YME1L1: variants seen among roughly 807,000 people sequenced by gnomAD.
YME1L1 encodes the protein YME1 like 1 ATPase.
A neutral mutation model predicts 90.4 loss-of-function variants in YME1L1; 39 were observed. The ratio of observed to expected loss-of-function variants is 0.43; its 90% CI spans 0.33 to 0.56. The LOEUF (loss-of-function observed/expected upper bound fraction) is 0.56, where lower values mean the gene tolerates loss of function less well. Ranked by LOEUF, YME1L1 falls within the 20% of genes least tolerant of loss-of-function variation. The probability of loss-of-function intolerance (pLI) is 0.03; values close to 1 mark genes in which losing one functional copy is unlikely to be tolerated. For synonymous variants in YME1L1, 284 were observed against 287.3 expected, an observed-to-expected ratio of 0.99 and a Z score of 0.12; for missense variants, 617 against 868.4, an observed-to-expected ratio of 0.71 and a Z score of 3.64.
chr10:27,121,748 A>ATT lies in YME1L1; in HGVS notation c.1236-302_1236-301dup, dbSNP rs10585648. Among the ~76,000 whole-genome samples the ATT allele has an allele frequency of 3.5e-3, 487 of 138,602 alleles. 6 individuals carry two copies. Among genetic ancestry groups the ATT allele is most frequent in the African/African-American group, 0.011 (437 of 38,142 alleles). The allele number at this position is 138,602 out of a possible 152,430, so 90.9% of individuals were successfully genotyped here. On this transcript the variant is annotated intron_variant, in intron 11 of 18. Transcript: ENST00000376016. ...CCCCAATTTCTAGGTACAAGCCACT[A>ATT]TTTTTTTTTTTTTTTGGAGATGGAG...
Position 27,153,036 on chromosome 10 carries a change from T to C in YME1L1, c.33+1142A>G, listed in dbSNP as rs758487734. On this transcript the variant is annotated intron_variant, in intron 1 of 18. Transcript: ENST00000376016. ...TCCAACCTCTTCTGTCACTACCCCCTTTAACTACTATGTTCTAGCCACACT... is the reference window on the plus strand; with the variant it reads ...TCCAACCTCTTCTGTCACTACCCCCCTTAACTACTATGTTCTAGCCACACT... Among the ~76,000 whole-genome samples, 55 of 152,326 alleles carry C rather than the reference T, an allele frequency of 3.6e-4. 1 individual carries two copies. The highest frequency in any genetic ancestry group is 6.8e-3 in the Middle Eastern group (2 of 294).
intron 10 of YME1L1, 111 bp from the exon 11 acceptor site, chr10:27,123,084 C>A (rs2056882802): frequency 6.0e-6 from 8 of 1,339,924 alleles, no homozygotes; most frequent in East Asian, 2.4e-5. Flanking sequence ...AAAAAATATT[C>A]ACTGAAAGAA....
At chr10:27,132,927 T>C (rs2056991658) in intron 7 of YME1L1, among the ~76,000 whole-genome samples, 1 of 152,246 alleles carries the variant, frequency 6.6e-6, no homozygotes, top group Non-Finnish European at 1.5e-5. Flanking sequence ...TAGTATCTAA[T>C]GATAGAAATC....
chr10:27,119,913 C>T (rs923000454), intron 13 of YME1L1, among the ~76,000 whole-genome samples: 1 of 151,768 alleles, frequency 6.6e-6, no homozygotes, highest in East Asian at 1.9e-4. Flanking sequence ...TGAATTTCAT[C>T]TGGAAATACT....
intron 9 of YME1L1, among the ~76,000 whole-genome samples, chr10:27,125,743 C>T (rs1354905444): frequency 1.3e-5 from 2 of 150,674 alleles, no homozygotes; most frequent in Non-Finnish European, 2.9e-5. Context: ...TAGGTTCAAA[C>T]GATTCTCCTG....
At chr10:27,131,124 C>A (rs2056973386) in intron 8 of YME1L1, among the ~76,000 whole-genome samples, 2 of 152,102 alleles carry the variant, frequency 1.3e-5, no homozygotes, top group South Asian at 2.1e-4. Context: ...CAAATGTCAC[C>A]TTCTCCATCA....
Position 27,117,528 on chromosome 10 carries a change from A to G in YME1L1, c.1719+48T>C, listed in dbSNP as rs748093387. The stretch of plus-strand genomic sequence containing the variant: ...GGTTGCAGTGAGCTGAGATCGCGCC[A>G]TTGCACTCCAGCCTGGGTGACAGGG... On this transcript the variant is annotated intron_variant, in intron 15 of 18. Coordinates refer to ENST00000376016, the MANE Select transcript of YME1L1 (RefSeq NM_014263.4). The G allele has an allele frequency of 3.1e-6, 5 of 1,595,246 alleles. No individual in the cohort carries two copies. In the South Asian group the frequency reaches 5.6e-5, roughly 18 times the overall value.
intron 13 of YME1L1, 66 bp downstream of exon 13, chr10:27,120,369 C>T: frequency 8.6e-7 from 1 of 1,166,738 alleles, no homozygotes; most frequent in Non-Finnish European, 1.2e-6. Context: ...CATGAAAGGA[C>T]CACAAACAGG....
intron 7 of YME1L1, among the ~76,000 whole-genome samples, chr10:27,132,356 C>G (rs1318775582): frequency 6.6e-6 from 1 of 151,976 alleles, no homozygotes; most frequent in African/African-American, 2.4e-5. Flanking sequence ...GCCTCAGCCT[C>G]CCAAAGTGCT....
In YME1L1 at chr10:27,149,016, T is replaced by A. The variant is rs371080055; in HGVS notation, c.58A>T (p.Ile20Phe). 1 of 1,612,264 alleles carries A rather than the reference T, an allele frequency of 6.2e-7. No homozygotes were observed. Among genetic ancestry groups the A allele is most frequent in the African/African-American group, 1.3e-5 (1 of 74,836 alleles). ...TTTTTTGGTGTATGGAAGGCATTGA[T>A]GAGATGACTCAGAGGAACTGTAACC... ...PQVTVPLSHL[I>F]NAFHTPKNTS... The change falls in exon 2 of 19, where the codon ATC becomes TTC. Residue 20 changes from isoleucine to phenylalanine, a missense_variant. This residue lies in a region of YME1L1 where 311 missense variants were observed against 335.8 expected (regional missense o/e 0.93). Transcript: ENST00000376016.
intron 16 of YME1L1, 29 bp downstream of exon 16, chr10:27,116,190 T>C (rs758829903): frequency 5.6e-6 from 9 of 1,613,946 alleles, no homozygotes; most frequent in Admixed American, 1.7e-5. Context: ...CACATATAAT[T>C]TGAACTAAAG....
rs2275751 is a variant in YME1L1, at chr10:27,134,997, A to G, written c.541-16T>C. On this transcript the variant is annotated splice_polypyrimidine_tract_variant and intron_variant, in intron 5 of 18. Transcript: ENST00000376016. ...AAAGAAACCCCTGAATACACAAACA[A>G]CACATCAGTACTGGTTAACAACACA... 5.8e-3 allele frequency: 9,262 copies of G among 1,607,702 alleles called. 329 individuals carry two copies. In the East Asian group the frequency reaches 0.11, roughly 18 times the overall value.
chr10:27,135,024 T>C, intron 5 of YME1L1, 43 bp from the exon 6 acceptor site: 1 of 1,558,522 alleles, frequency 6.4e-7, no homozygotes. Flanking sequence ...AACAACACAG[T>C]GATACTTCCC....
Position 27,149,031 on chromosome 10 carries a change from G to C in YME1L1, c.43C>G (p.Pro15Ala). The change falls in exon 2 of 19, where the codon CCT becomes GCT. Residue 15 changes from proline (P) to alanine (A), a missense_variant. Physicochemically the swap from Pro to Ala is conservative, Grantham distance 27. Transcript: ENST00000376016. ...SSTVQPQVTV[P>A]LSHLINAFHT... ...AAGGCATTGATGAGATGACTCAGAG[G>C]AACTGTAACCTAGAAAAAGATAAAA... The C allele has an allele frequency of 6.2e-7, 1 of 1,600,524 alleles. No individual in the cohort carries two copies.
chr10:27,133,210 A>T (rs1219696958), intron 7 of YME1L1, among the ~76,000 whole-genome samples: 1 of 152,210 alleles, frequency 6.6e-6, no homozygotes, highest in Non-Finnish European at 1.5e-5. Flanking sequence ...CCCTCAAATG[A>T]CCTATCAATT....
rs1344516131 is a variant in YME1L1, at chr10:27,113,843, A to C, written c.2007+678T>G. Among the ~76,000 whole-genome samples the C allele has an allele frequency of 2.0e-5, 3 of 151,298 alleles. No individual in the cohort carries two copies. In the East Asian group the frequency reaches 5.8e-4, roughly 29 times the overall value. On this transcript the variant is annotated intron_variant, in intron 18 of 18. Coordinates refer to ENST00000376016, the MANE Select transcript of YME1L1 (RefSeq NM_014263.4). ...ATCCCCTTAAAAAAAAAATGACAAA[A>C]CCCACAAAAAACCAACAATAAAACA...
chr10:27,124,353 A>G (rs755233700), intron 9 of YME1L1, among the ~76,000 whole-genome samples: 13 of 152,224 alleles, frequency 8.5e-5, no homozygotes, highest in Non-Finnish European at 1.6e-4. Context: ...TAGGATATGG[A>G]TGTTAATTGT....
At chr10:27,142,030 C>T (rs182066555) in intron 4 of YME1L1, among the ~76,000 whole-genome samples, 7 of 151,430 alleles carry the variant, frequency 4.6e-5, no homozygotes, top group South Asian at 4.2e-4. Context: ...CGTCCGTTAA[C>T]GGAACGCTTC....
intron 17 of YME1L1, among the ~76,000 whole-genome samples, chr10:27,115,338 T>G (rs1169841413): frequency 6.6e-6 from 1 of 151,324 alleles, no homozygotes; most frequent in African/African-American, 2.4e-5. Context: ...TTTTTTTTTT[T>G]GGAGACAGGG....
Sources: allele counts gnomAD v4.1 joint callset (sites outside exome capture counted in the v4.1 genomes callset), GRCh38; gene constraint gnomAD v4.1.1; regional missense constraint gnomAD v4.1.1; transcripts MANE v1.5; gene names NCBI Gene and HGNC (gene_info 2026-07-23, HGNC 2026-07-21).